The following PDE9A variants were observed in gnomAD, a reference collection of about 807,000 sequenced individuals.
The protein encoded by PDE9A is high affinity cGMP-specific 3',5'-cyclic phosphodiesterase 9A.
A neutral mutation model predicts 87.4 loss-of-function variants in PDE9A; 60 were observed. The observed-to-expected ratio is 0.69, with a 90% CI of 0.56 to 0.85. PDE9A has a LOEUF of 0.85. Among genes scored for constraint, PDE9A ranks in the 40% least tolerant of loss-of-function variants. PDE9A has a pLI of 0.00. For synonymous variants in PDE9A, 272 were observed against 279.4 expected (o/e 0.97, Z 0.27); for missense variants, 665 against 779.0 (o/e 0.85, Z 1.74).
rs559982909 is a variant in PDE9A, at chr21:42,658,532, T to A, written c.69+4649T>A. Among the ~76,000 whole-genome samples, 5 of 152,320 alleles carry A rather than the reference T, an allele frequency of 3.3e-5. No homozygotes were observed. In the East Asian group the frequency reaches 9.6e-4, roughly 29 times the overall value. Reference sequence around the variant, plus strand: ...CTCTCCTGCCCACGACATGGTCAAATGCAAACCTCCTTTCATTTTAGAAGG... The same window carrying A: ...CTCTCCTGCCCACGACATGGTCAAAAGCAAACCTCCTTTCATTTTAGAAGG... On this transcript the variant is annotated intron_variant, in intron 1 of 19. Coordinates refer to ENST00000291539, the MANE Select transcript of PDE9A (RefSeq NM_002606.3).
chr21:42,674,584 C>G (rs914388074), intron 1 of PDE9A, among the ~76,000 whole-genome samples: 1 of 152,108 alleles, frequency 6.6e-6, no homozygotes, highest in African/African-American at 2.4e-5. Context: ...AGGCCTCTCC[C>G]CTTCCCTTCC....
rs1010817288 is a variant in PDE9A at position 42,702,961 on chromosome 21, G to A, written c.262+3950G>A. Reference sequence around the variant, plus strand: ...GCTCAGGGCGCTGGGTCGAGATCACGAAAGGGAAGTGGCAGCAAAGGTGGA... The same window carrying A: ...GCTCAGGGCGCTGGGTCGAGATCACAAAAGGGAAGTGGCAGCAAAGGTGGA... On this transcript the variant is annotated intron_variant, in intron 4 of 19. Transcript: ENST00000291539. This position sits in a 1 kb window ranked among gnomAD's most constrained non-coding sequence, Gnocchi z 4.9. Among the ~76,000 whole-genome samples the A allele has an allele frequency of 6.6e-6, 1 of 152,228 alleles. No homozygotes were observed. The highest frequency in any genetic ancestry group is 1.9e-4 in the East Asian group (1 of 5,196).
intron 4 of PDE9A, among the ~76,000 whole-genome samples, chr21:42,703,097 A>G (rs2048507485): frequency 6.6e-6 from 1 of 152,220 alleles, no homozygotes; most frequent in Admixed American, 6.5e-5. Flanking sequence ...TTCTAAAGGA[A>G]GAGACAAGCT....
chr21:42,755,801 A>G (rs553961736), intron 10 of PDE9A, among the ~76,000 whole-genome samples: 1 of 152,322 alleles, frequency 6.6e-6, no homozygotes, highest in Admixed American at 6.5e-5. Context: ...ATCATGTAGA[A>G]AAATCACCAT....
chr21:42,718,801 G>T (rs189326559), intron 4 of PDE9A, among the ~76,000 whole-genome samples: 1 of 151,834 alleles, frequency 6.6e-6, no homozygotes, highest in Non-Finnish European at 1.5e-5. Flanking sequence ...TTGGCCATGG[G>T]TCACATTTTC....
intron 1 of PDE9A, among the ~76,000 whole-genome samples, chr21:42,674,645 C>T (rs554471896): frequency 3.4e-4 from 52 of 152,208 alleles, no homozygotes; most frequent in Non-Finnish European, 7.1e-4. Context: ...CGTCCTCCCC[C>T]AGGTCCTCTC....
chr21:42,690,913 G>C (rs2059790157), intron 3 of PDE9A, among the ~76,000 whole-genome samples: 1 of 152,088 alleles, frequency 6.6e-6, no homozygotes, highest in African/African-American at 2.4e-5. Context: ...CCTGCCTTAA[G>C]CACCATCCAC....
rs865885599 is a variant in PDE9A at position 42,677,782 on chromosome 21, A to G, written c.70-8410A>G. ...CTCGGCCTCCTGAGGAGCTGGGACT[A>G]CAGGCACATGCCCCCACGCCCAGCT... is the stretch of plus-strand genomic sequence containing the variant. On this transcript the variant is annotated intron_variant, in intron 1 of 19. Transcript: ENST00000291539. Among the ~76,000 whole-genome samples, 5 of 152,276 alleles carry G rather than the reference A, an allele frequency of 3.3e-5. No individual in the cohort carries two copies. The South Asian group carries it at 1.0e-3, about 32-fold the overall frequency.
rs2057093258 is a variant in PDE9A at position 42,772,307 on chromosome 21, G to T, written c.1687-132G>T. 4.8e-6 allele frequency: 3 copies of T among 629,906 alleles called. No individual in the cohort carries two copies. In the South Asian group the frequency reaches 5.3e-5, roughly 11 times the overall value. 39.0% of individuals were successfully genotyped at this position (629,906 alleles called of 1,614,324 possible). On this transcript the variant is annotated intron_variant, in intron 18 of 19. Transcript: ENST00000291539. The stretch of plus-strand genomic sequence containing the variant: ...AAAAGCCCATGTCAGGAGTGCTTGG[G>T]CTCAGAGGGGCTGGGGACCACAGGC...
chr21:42,766,883 G>GAGA (rs376520922), intron 15 of PDE9A, among the ~76,000 whole-genome samples: 2,058 of 152,334 alleles, frequency 0.014, 42 homozygotes, highest in African/African-American at 0.045. Context: ...GGTCAGGGAA[G>GAGA]AGACGGGGAG....
At chr21:42,664,083 C>T (rs996166523) in intron 1 of PDE9A, among the ~76,000 whole-genome samples, 7 of 152,348 alleles carry the variant, frequency 4.6e-5, no homozygotes, top group Admixed American at 2.0e-4. Context: ...AGGGGCTTCT[C>T]GAGGCATCTC....
chr21:42,766,104 G>A (rs992333847), intron 15 of PDE9A, among the ~76,000 whole-genome samples: 36 of 152,250 alleles, frequency 2.4e-4, no homozygotes, highest in Middle Eastern at 3.2e-3. Flanking sequence ...CACGGCAGGA[G>A]GATTGCTTGA....
intron 7 of PDE9A, among the ~76,000 whole-genome samples, chr21:42,736,456 T>G (rs567179414): frequency 5.2e-4 from 79 of 152,220 alleles, no homozygotes; most frequent in African/African-American, 1.9e-3. Flanking sequence ...GGAAGCATCT[T>G]CCCATAAAAC....
rs146757384 is a variant in PDE9A, at chr21:42,763,557, C to T, written c.1242+1318C>T. Among the ~76,000 whole-genome samples, 778 of 152,294 alleles carry T rather than the reference C, an allele frequency of 5.1e-3. 2 individuals are homozygous for T. The highest frequency in any genetic ancestry group is 9.2e-3 in the Non-Finnish European group (625 of 68,018). The stretch of plus-strand genomic sequence containing the variant: ...CTTTGAGAGCAGGGCCCTGCCCACA[C>T]TTTGATCTTGGTTCTGGCTTCCAGA... On this transcript the variant is annotated intron_variant, in intron 14 of 19. Transcript: ENST00000291539.
In PDE9A at chr21:42,660,452, A is replaced by G. The variant is rs927125720; in HGVS notation, c.69+6569A>G. 6.6e-6 allele frequency among the ~76,000 whole-genome samples: 1 copy of G among 152,030 alleles called. No homozygotes were observed. Among genetic ancestry groups the G allele is most frequent in the African/African-American group, 2.4e-5 (1 of 41,394 alleles). Reference sequence around the variant, plus strand: ...GGTGCTTGCATTTCCAGGGGTCCAAATATTTTTGAGAAGAAAATGTTCTAA... The same window carrying G: ...GGTGCTTGCATTTCCAGGGGTCCAAGTATTTTTGAGAAGAAAATGTTCTAA... On this transcript the variant is annotated intron_variant, in intron 1 of 19. Coordinates refer to ENST00000291539, the MANE Select transcript of PDE9A (RefSeq NM_002606.3). The surrounding 1 kb of genome is among the most constrained non-coding windows in gnomAD (Gnocchi z 4.7).
At chr21:42,703,392 A>G (rs1029610298) in intron 4 of PDE9A, among the ~76,000 whole-genome samples, 2 of 152,162 alleles carry the variant, frequency 1.3e-5, no homozygotes, top group Non-Finnish European at 2.9e-5. Flanking sequence ...TCCGTGGGAG[A>G]AGGACGCTGG....
intron 8 of PDE9A, among the ~76,000 whole-genome samples, chr21:42,744,632 A>C (rs886704452): frequency 1.3e-5 from 2 of 152,176 alleles, no homozygotes; most frequent in African/African-American, 4.8e-5. Flanking sequence ...GGGAACAGGC[A>C]TCCTTCACAG....
At chr21:42,721,442 G>A (rs1356228295) in intron 4 of PDE9A, among the ~76,000 whole-genome samples, 2 of 152,170 alleles carry the variant, frequency 1.3e-5, no homozygotes, top group African/African-American at 2.4e-5. Flanking sequence ...TTTGGCTGCT[G>A]ATAGACTTAT....
chr21:42,749,112 G>A (rs1351165544), intron 8 of PDE9A, among the ~76,000 whole-genome samples: 1 of 152,194 alleles, frequency 6.6e-6, no homozygotes, highest in African/African-American at 2.4e-5. Flanking sequence ...TGTGCATAGA[G>A]CTGTTTGTTC....
Sources: allele counts gnomAD v4.1 joint callset (sites outside exome capture counted in the v4.1 genomes callset), GRCh38; gene constraint gnomAD v4.1.1; non-coding constraint Gnocchi (gnomAD v3.1); transcripts MANE v1.5; gene names NCBI Gene and HGNC (gene_info 2026-07-23, HGNC 2026-07-21).